The following USP30 variants were observed in gnomAD, a reference collection of about 807,000 sequenced individuals.
The protein encoded by USP30 is ubiquitin carboxyl-terminal hydrolase 30.
USP30 carries 41 observed loss-of-function variants against 68.2 expected under a neutral mutation model. The observed-to-expected ratio is 0.60, with a 90% CI of 0.47 to 0.78. USP30 has a LOEUF of 0.78. Ranked by LOEUF, USP30 falls within the 30% of genes least tolerant of loss-of-function variation. The pLI is 0.00. For synonymous variants in USP30, 229 were observed against 253.7 expected, an observed-to-expected ratio of 0.90 and a Z score of 0.93; for missense variants, 522 against 649.4, an observed-to-expected ratio of 0.80 and a Z score of 2.13.
chr12:109,083,847 CA>C (rs2041874427), intron 11 of USP30, among the ~76,000 whole-genome samples: 1 of 152,138 alleles, frequency 6.6e-6, no homozygotes, highest in Admixed American at 6.5e-5. Flanking sequence ...TTTATGACCA[CA>C]GTTGCATGGC....
At position 109,066,830 on chromosome 12, in the gene USP30, C is replaced by G. The variant is rs183734415; in HGVS notation, c.377-694C>G. ...AGCCCTGTGGAGAGGAGTGTAGCACCAAATATGGGGTTGGACTGGATGAAT... is the reference window on the plus strand; with the variant it reads ...AGCCCTGTGGAGAGGAGTGTAGCACGAAATATGGGGTTGGACTGGATGAAT... On this transcript the variant is annotated intron_variant, in intron 3 of 12. Coordinates refer to ENST00000257548, the MANE Select transcript of USP30 (RefSeq NM_032663.5). Among the ~76,000 whole-genome samples the G allele has an allele frequency of 3.9e-5, 6 of 152,148 alleles. No individual in the cohort carries two copies. The East Asian group carries it at 1.2e-3, about 29-fold the overall frequency.
At chr12:109,072,515 C>T (rs1194182376) in intron 6 of USP30, among the ~76,000 whole-genome samples, 165 bp downstream of exon 6, 1 of 152,094 alleles carries the variant, frequency 6.6e-6, no homozygotes, top group Non-Finnish European at 1.5e-5. Flanking sequence ...TAAATAGATT[C>T]TCTTGGTGTT....
At chr12:109,047,378 C>T (rs188533166) in intron 3 of USP30, among the ~76,000 whole-genome samples, 33 of 152,204 alleles carry the variant, frequency 2.2e-4, no homozygotes, top group Admixed American at 6.5e-4. Context: ...ACAAGAGCTA[C>T]AACAAACAGT....
At chr12:109,025,513 T>C (rs972809829) in intron 2 of USP30, among the ~76,000 whole-genome samples, 2 of 152,038 alleles carry the variant, frequency 1.3e-5, no homozygotes, top group African/African-American at 4.8e-5. Context: ...GAAAAATAGA[T>C]GGTATTGGGA....
intron 3 of USP30, among the ~76,000 whole-genome samples, chr12:109,030,049 C>G (rs1444794356): frequency 6.6e-6 from 1 of 152,212 alleles, no homozygotes; most frequent in East Asian, 1.9e-4. Context: ...TTTTCTGCCA[C>G]TGAATACATG....
Position 109,067,556 on chromosome 12 carries a change from G to T in USP30, c.409G>T (p.Val137Phe), listed in dbSNP as rs766072201. ...LSCQEVTDDE[V>F]LDASCLLDVL... ...CTGCCAAGAAGTTACTGATGATGAGGTCTTAGATGCAAGCTGCTTGTTGGA... is the reference window on the plus strand; with the variant it reads ...CTGCCAAGAAGTTACTGATGATGAGTTCTTAGATGCAAGCTGCTTGTTGGA... Residue 137 changes from valine to phenylalanine, a missense_variant, in exon 4 of 13, where the codon GTC becomes TTC. By Grantham distance (50) the Val-to-Phe change is conservative (BLOSUM62 -1). Coordinates refer to ENST00000257548, the MANE Select transcript of USP30 (RefSeq NM_032663.5). The T allele has an allele frequency of 5.6e-6, 9 of 1,614,108 alleles. No homozygotes were observed. Among genetic ancestry groups the T allele is most frequent in the Middle Eastern group, 1.6e-4 (1 of 6,062 alleles).
chr12:109,049,369 G>T (rs2040637078), upstream of USP30, among the ~76,000 whole-genome samples: 1 of 152,142 alleles, frequency 6.6e-6, no homozygotes, highest in African/African-American at 2.4e-5. Context: ...GAGAGAGGGG[G>T]GAACAGCCAG....
At chr12:109,033,977 T>C (rs985765973) in intron 3 of USP30, among the ~76,000 whole-genome samples, 2 of 152,176 alleles carry the variant, frequency 1.3e-5, no homozygotes. Context: ...AAAAGTCTCC[T>C]AGTAAAACCC....
intron 3 of USP30, among the ~76,000 whole-genome samples, chr12:109,033,068 A>G (rs1437567388): frequency 6.6e-6 from 1 of 152,258 alleles, no homozygotes. Context: ...GTATTCTACC[A>G]GTTATGAAAA....
chr12:109,065,861 A>G (rs1052055166), intron 3 of USP30, among the ~76,000 whole-genome samples: 8 of 152,178 alleles, frequency 5.3e-5, no homozygotes, highest in African/African-American at 1.9e-4. Flanking sequence ...ATGCATTTAG[A>G]AGGTCCTGAA....
chr12:109,065,388 G>T (rs181850081), intron 3 of USP30, among the ~76,000 whole-genome samples: 24 of 152,254 alleles, frequency 1.6e-4, no homozygotes, highest in African/African-American at 4.6e-4. Flanking sequence ...ATTTGTTTAG[G>T]TACTGCCTAT....
intron 3 of USP30, among the ~76,000 whole-genome samples, chr12:109,037,999 TTTC>T (rs1400939512): frequency 2.0e-5 from 3 of 152,010 alleles, no homozygotes; most frequent in Non-Finnish European, 2.9e-5. Flanking sequence ...TTCCTCAGAT[TTTC>T]TTTTTTTTTC....
In USP30 at chr12:109,035,223, T is replaced by C. The variant is rs186428404; in HGVS notation, c.-136+7667T>C. 4.9e-3 allele frequency among the ~76,000 whole-genome samples: 753 copies of C among 152,272 alleles called. 7 individuals are homozygous for C. Among genetic ancestry groups the C allele is most frequent in the African/African-American group, 0.017 (719 of 41,580 alleles). On this transcript the variant is annotated intron_variant, in intron 3 of 15. Coordinates refer to the USP30 transcript ENST00000392784. The stretch of plus-strand genomic sequence containing the variant: ...CAGCTCCTCCATTACTGTCTTCTTT[T>C]GTGTTCAATATATATTTTCTAGTGT...
intron 3 of USP30, among the ~76,000 whole-genome samples, chr12:109,028,623 G>A (rs58263151): frequency 0.015 from 2,243 of 152,124 alleles, 66 homozygotes; most frequent in African/African-American, 0.051. Context: ...GATTACAGGC[G>A]TGTGCCAACA....
intron 3 of USP30, among the ~76,000 whole-genome samples, chr12:109,044,593 T>C (rs1242040288): frequency 1.3e-5 from 2 of 151,562 alleles, no homozygotes; most frequent in African/African-American, 2.4e-5. Context: ...GCTGTGATAA[T>C]GCCACTGCAC....
chr12:109,053,045 G>T, intron 1 of USP30: 1 of 324,012 alleles, frequency 3.1e-6, no homozygotes, highest in East Asian at 4.8e-5. Flanking sequence ...TCTTGTCAAG[G>T]CCCCTAATTC....
chr12:109,065,101 T>C (rs2041206375), intron 3 of USP30, among the ~76,000 whole-genome samples: 1 of 152,212 alleles, frequency 6.6e-6, no homozygotes, highest in South Asian at 2.1e-4. Context: ...CCCAGAAGTC[T>C]GGGCTTTAAA....
intron 3 of USP30, among the ~76,000 whole-genome samples, chr12:109,042,151 T>C (rs1475769427): frequency 6.6e-6 from 1 of 151,920 alleles, no homozygotes; most frequent in African/African-American, 2.4e-5. Context: ...TGACCACATT[T>C]ATTGTATTAG....
At chr12:109,030,913 C>T (rs1424072741) in intron 3 of USP30, among the ~76,000 whole-genome samples, 1 of 152,058 alleles carries the variant, frequency 6.6e-6, no homozygotes, top group Non-Finnish European at 1.5e-5. Context: ...CGTGCCAGGC[C>T]GATTGTGATT....
Sources: gnomAD v4.1 joint callset for allele counts (sites outside exome capture counted in the v4.1 genomes callset) on GRCh38, gnomAD v4.1.1 for gene constraint, MANE v1.5 for transcripts, NCBI Gene and HGNC (gene_info 2026-07-23, HGNC 2026-07-21) for gene names.